The following CDCP1 variants were observed in gnomAD, a reference collection of about 807,000 sequenced individuals.
CDCP1 encodes the protein CUB domain-containing protein 1.
Under a neutral mutation model 60.2 loss-of-function variants are expected in CDCP1, and 29 were observed. The observed-to-expected ratio is 0.48, with a 90% CI of 0.36 to 0.66. The LOEUF (loss-of-function observed/expected upper bound fraction) is 0.66. Among genes scored for constraint, CDCP1 ranks in the 30% least tolerant of loss-of-function variants. CDCP1 has a pLI of 0.00. For missense variants in CDCP1, 876 were observed against 1,074.3 expected, an observed-to-expected ratio of 0.82 and a Z score of 2.58; for synonymous variants, 387 against 431.1, an observed-to-expected ratio of 0.90 and a Z score of 1.27.
chr3:45,142,693 C>T (rs189249168), intron 1 of CDCP1, among the ~76,000 whole-genome samples: 4 of 152,226 alleles, frequency 2.6e-5, no homozygotes, highest in South Asian at 2.1e-4. Flanking sequence ...CATGGAAATA[C>T]GCAACTAAAG....
chr3:45,085,968 C>A lies in CDCP1; in HGVS notation c.2181G>T (p.Lys727Asn), dbSNP rs1221615469. 1 of 1,614,228 alleles carries A rather than the reference C, an allele frequency of 6.2e-7. No homozygotes were observed. Among genetic ancestry groups the A allele is most frequent in the Non-Finnish European group, 8.5e-7 (1 of 1,180,038 alleles). Residue 727 changes from lysine to asparagine, a missense_variant, in exon 9 of 9, where the codon AAG (lysine) becomes AAT (asparagine). Physicochemically the swap from Lys to Asn is moderately conservative, Grantham distance 94 (BLOSUM62 0). Transcript: ENST00000296129. This position sits in a 1 kb window ranked among gnomAD's most constrained non-coding sequence, Gnocchi z 4.2. ...RQPKKFQKGR[K>N]DNDSHVYAVI... The stretch of plus-strand genomic sequence containing the variant: ...CTGCATACACATGGGAGTCATTGTC[C>A]TTTCGCCCTTTCTGAAACTTTTTTG...
chr3:45,090,917 A>G (rs1698281685), intron 7 of CDCP1, among the ~76,000 whole-genome samples: 1 of 152,222 alleles, frequency 6.6e-6, no homozygotes, highest in Non-Finnish European at 1.5e-5. Flanking sequence ...CAGTAGGTGC[A>G]TGAATGACTG....
chr3:45,107,642 A>G (rs1046869063), intron 4 of CDCP1, among the ~76,000 whole-genome samples: 1 of 152,132 alleles, frequency 6.6e-6, no homozygotes, highest in Admixed American at 6.5e-5. Context: ...GGACAGTCTT[A>G]CCACTTCCAC....
At chr3:45,120,821 A>G (rs1698869311) in intron 1 of CDCP1, among the ~76,000 whole-genome samples, 1 of 152,224 alleles carries the variant, frequency 6.6e-6, no homozygotes, top group African/African-American at 2.4e-5. Context: ...TCTCTAGAAA[A>G]AGCTGGCTCC....
At chr3:45,098,040 C>T (rs990639067) in intron 4 of CDCP1, among the ~76,000 whole-genome samples, 17 of 152,226 alleles carry the variant, frequency 1.1e-4, no homozygotes, top group South Asian at 2.1e-4. Flanking sequence ...ACCCCAAAGC[C>T]GTGTTAGAAG....
intron 1 of CDCP1, among the ~76,000 whole-genome samples, chr3:45,126,145 T>TCTTC (rs1698986648): frequency 7.0e-6 from 1 of 142,226 alleles, no homozygotes; most frequent in Non-Finnish European, 1.5e-5. Context: ...TTTCTTTCTT[T>TCTTC]CTTTCTTTCT....
At chr3:45,134,896 A>G (rs1045759795) in intron 1 of CDCP1, among the ~76,000 whole-genome samples, 4 of 152,224 alleles carry the variant, frequency 2.6e-5, no homozygotes, top group African/African-American at 9.7e-5. Flanking sequence ...AATAACCTAC[A>G]TCAGAAGTTG....
intron 1 of CDCP1, among the ~76,000 whole-genome samples, chr3:45,130,027 C>T (rs930936605): frequency 6.4e-5 from 9 of 140,520 alleles, no homozygotes; most frequent in African/African-American, 2.8e-4. Context: ...ATCTTGGTAA[C>T]AAGACACACA....
At chr3:45,143,014 C>T (rs1207292341) in intron 1 of CDCP1, among the ~76,000 whole-genome samples, 2 of 152,170 alleles carry the variant, frequency 1.3e-5, no homozygotes, top group African/African-American at 4.8e-5. Context: ...ACGAGCCTGG[C>T]TAATATGGTG....
In CDCP1 at chr3:45,091,063, G is replaced by A; in HGVS notation, c.1993+110C>T. The A allele has an allele frequency of 8.4e-7, 1 of 1,197,260 alleles. No homozygotes were observed. Among genetic ancestry groups the A allele is most frequent in the East Asian group, 2.4e-5 (1 of 42,280 alleles). 74.2% of individuals were successfully genotyped at this position (1,197,260 alleles called of 1,614,324 possible). ...TGATGCAATAGCTGACTGATACATG[G>A]ACAGTCAGGACTCAATCTGTGATTC... On this transcript the variant is annotated intron_variant, in intron 7 of 8. Coordinates refer to ENST00000296129, the MANE Select transcript of CDCP1 (RefSeq NM_022842.5). This position sits in a 1 kb window ranked among gnomAD's most constrained non-coding sequence, Gnocchi z 4.8.
chr3:45,089,283 C>T (rs1343919743), intron 7 of CDCP1, 142 bp from the exon 8 acceptor site: 1 of 651,480 alleles, frequency 1.5e-6, no homozygotes, highest in Admixed American at 2.6e-5. Context: ...ACATGGGGCT[C>T]CTCATATCAC....
At chr3:45,110,868 A>C in intron 3 of CDCP1, 27 bp from the exon 4 acceptor site, 3 of 1,590,800 alleles carry the variant, frequency 1.9e-6, no homozygotes, top group Non-Finnish European at 2.6e-6. Flanking sequence ...CCAAACCAGA[A>C]AGAATAGGGA....
At position 45,095,561 on chromosome 3, in the gene CDCP1, G is replaced by C. The variant is rs770929965; in HGVS notation, c.1032C>G (p.Ile344Met). The C allele has an allele frequency of 6.8e-6, 11 of 1,613,792 alleles. No homozygotes were observed. The highest frequency in any genetic ancestry group is 7.6e-6 in the Non-Finnish European group (9 of 1,179,758). Residue 344 changes from isoleucine (I) to methionine (M), a missense_variant, in exon 5 of 9, where the codon ATC becomes ATG. This residue lies in a region of CDCP1 where 726 missense variants were observed against 935.7 expected (regional missense o/e 0.78). Transcript: ENST00000296129. ...VQHPQNESNK[I>M]YVVDLSNERA... is the part of the protein sequence containing the mutation. Reference sequence around the variant, plus strand: ...GCTCATTACTCAAGTCAACCACGTAGATTTTATCTGAAACCACAAACAGAA... The same window carrying C: ...GCTCATTACTCAAGTCAACCACGTACATTTTATCTGAAACCACAAACAGAA...
chr3:45,140,474 AT>A, intron 1 of CDCP1, among the ~76,000 whole-genome samples: 1 of 152,290 alleles, frequency 6.6e-6, no homozygotes, highest in East Asian at 1.9e-4. Flanking sequence ...CAGATTTATT[AT>A]TTAAGCATAT....
chr3:45,086,493 T>C (rs370435592), intron 8 of CDCP1, among the ~76,000 whole-genome samples: 20 of 152,358 alleles, frequency 1.3e-4, no homozygotes, highest in African/African-American at 4.3e-4. Context: ...CTCTTAGTAC[T>C]TTCCCGTAGC....
intron 1 of CDCP1, among the ~76,000 whole-genome samples, chr3:45,143,719 AGT>A (rs147234435): frequency 0.14 from 21,474 of 152,174 alleles, 1,679 homozygotes; most frequent in Middle Eastern, 0.27. Context: ...CACCCAGAAG[AGT>A]GTGTGTGTGC....
chr3:45,093,041 C>T (rs1345087876), intron 6 of CDCP1, among the ~76,000 whole-genome samples: 1 of 152,200 alleles, frequency 6.6e-6, no homozygotes, highest in Admixed American at 6.5e-5. Context: ...TGCCTACCAA[C>T]CATCGCCTCT....
chr3:45,111,996 T>G, intron 3 of CDCP1, 87 bp downstream of exon 3: 1 of 1,483,182 alleles, frequency 6.7e-7, no homozygotes, highest in Non-Finnish European at 9.1e-7. Context: ...TATTAGAGAT[T>G]TGCTGACATT....
At chr3:45,144,165 G>A (rs1452801139) in intron 1 of CDCP1, among the ~76,000 whole-genome samples, 4 of 152,170 alleles carry the variant, frequency 2.6e-5, no homozygotes, top group African/African-American at 7.2e-5. Context: ...ACGACACCAA[G>A]ACACAAACTT....
Sources: gnomAD v4.1 joint callset for allele counts (sites outside exome capture counted in the v4.1 genomes callset) on GRCh38, gnomAD v4.1.1 for gene constraint, gnomAD v4.1.1 regional missense constraint, Gnocchi (gnomAD v3.1) non-coding constraint, MANE v1.5 for transcripts, NCBI Gene and HGNC (gene_info 2026-07-23, HGNC 2026-07-21) for gene names.